The following E2F3 variants were observed in gnomAD, a reference collection of about 807,000 sequenced individuals.
The protein encoded by E2F3 is E2F transcription factor 3, also known as transcription factor E2F3.
Under a neutral mutation model 44.4 loss-of-function variants are expected in E2F3, and 11 were observed. The observed-to-expected ratio is 0.25, with a 90% confidence interval of 0.16 to 0.41. The LOEUF is 0.41. Among genes scored for constraint, E2F3 ranks in the 10% least tolerant of loss-of-function variants. The probability of loss-of-function intolerance (pLI) is 1.00; values close to 1 mark genes in which losing one functional copy is unlikely to be tolerated. For missense variants in E2F3, 487 were observed against 583.6 expected, an observed-to-expected ratio of 0.83 and a Z score of 1.70; for synonymous variants, 249 against 253.0, an observed-to-expected ratio of 0.98 and a Z score of 0.15.
chr6:20,420,983 A>G (rs1760007925), intron 1 of E2F3, among the ~76,000 whole-genome samples: 1 of 152,192 alleles, frequency 6.6e-6, no homozygotes, highest in African/African-American at 2.4e-5. Flanking sequence ...GCAATATCCC[A>G]AATCCTTTGT....
intron 1 of E2F3, among the ~76,000 whole-genome samples, chr6:20,412,470 G>C (rs1175673909): frequency 6.6e-6 from 1 of 152,130 alleles, no homozygotes; most frequent in Non-Finnish European, 1.5e-5. Flanking sequence ...GTCAAAGGCA[G>C]GCAGGCAGAA....
intron 4 of E2F3, among the ~76,000 whole-genome samples, chr6:20,486,314 C>G (rs985564476): frequency 6.6e-6 from 1 of 152,152 alleles, no homozygotes; most frequent in African/African-American, 2.4e-5. Context: ...GCTCTGTCGC[C>G]CAGGCTGGAG....
At chr6:20,478,989 C>G (rs1384941378) in intron 1 of E2F3, among the ~76,000 whole-genome samples, 1 of 152,074 alleles carries the variant, frequency 6.6e-6, no homozygotes, top group African/African-American at 2.4e-5. Context: ...ACTCGAAGCC[C>G]CTTATCTATC....
At chr6:20,470,468 G>T (rs1005248881) in intron 1 of E2F3, among the ~76,000 whole-genome samples, 1 of 152,146 alleles carries the variant, frequency 6.6e-6, no homozygotes, top group African/African-American at 2.4e-5. Flanking sequence ...AAATCCTCAT[G>T]CCCTGACCCA....
chr6:20,412,242 C>T (rs775008981), intron 1 of E2F3, among the ~76,000 whole-genome samples: 2 of 152,078 alleles, frequency 1.3e-5, no homozygotes, highest in African/African-American at 2.4e-5. Flanking sequence ...ATGGGGAGGC[C>T]ACGGTTGTCA....
At chr6:20,475,527 A>AT (rs1279000691) in intron 1 of E2F3, among the ~76,000 whole-genome samples, 2 of 151,912 alleles carry the variant, frequency 1.3e-5, no homozygotes, top group African/African-American at 4.8e-5. Flanking sequence ...CTTTATTTTC[A>AT]TTTTTTGAGA....
At chr6:20,488,663 C>T (rs4134975) in intron 6 of E2F3, among the ~76,000 whole-genome samples, 1 of 151,938 alleles carries the variant, frequency 6.6e-6, no homozygotes, top group Non-Finnish European at 1.5e-5. Context: ...ATTTTCCCCC[C>T]CAATGAGATG....
At position 20,491,139 on chromosome 6, in the gene E2F3, T is replaced by G. The variant is rs1209297186; in HGVS notation, c.*709T>G. On this transcript the variant is annotated 3_prime_UTR_variant, in exon 7 of 7. Coordinates refer to ENST00000346618, the MANE Select transcript of E2F3 (RefSeq NM_001949.5). Reference sequence around the variant, plus strand: ...CTAAGCTGTTGTGGATTTTCCTGTCTCCATGAACCACTCCCATTCCCCCGT... The same window carrying G: ...CTAAGCTGTTGTGGATTTTCCTGTCGCCATGAACCACTCCCATTCCCCCGT... 4.3e-6 allele frequency: 1 copy of G among 232,164 alleles called. No individual in the cohort carries two copies. Among genetic ancestry groups the G allele is most frequent in the Non-Finnish European group, 8.5e-6 (1 of 117,084 alleles). The allele number at this position is 232,164 out of a possible 1,614,324, so 14.4% of individuals were successfully genotyped here.
At chr6:20,445,483 C>A (rs1028367922) in intron 1 of E2F3, among the ~76,000 whole-genome samples, 1 of 152,216 alleles carries the variant, frequency 6.6e-6, no homozygotes, top group Admixed American at 6.5e-5. Context: ...CGTGAGCCAC[C>A]GTGCCCGGCC....
intron 1 of E2F3, among the ~76,000 whole-genome samples, chr6:20,406,973 G>T (rs1759515125): frequency 6.6e-6 from 1 of 152,160 alleles, no homozygotes; most frequent in South Asian, 2.1e-4. Flanking sequence ...TAGAAAATTT[G>T]GGATTTAATA....
intron 1 of E2F3, chr6:20,403,746 T>C: frequency 6.8e-7 from 1 of 1,466,844 alleles, no homozygotes; most frequent in South Asian, 1.3e-5. Context: ...GCCGCCGGTC[T>C]GTTCGGCCCT....
chr6:20,402,247 C>A lies in E2F3; in HGVS notation c.15C>A (p.Ile5=). MRKG[I]QPALEQYLVT... ...AGGAGCGAGAGATGAGAAAGGGAAT[C>A]CAGCCCGCTCTGGAGCAGTACCTGG... The change falls in exon 1 of 7, where the codon ATC becomes ATA. Residue 5 remains isoleucine, a synonymous_variant. Transcript: ENST00000346618. The surrounding 1 kb of genome is among the most constrained non-coding windows in gnomAD (Gnocchi z 5.6). 7 of 1,595,290 alleles carry A rather than the reference C, an allele frequency of 4.4e-6. No individual in the cohort carries two copies. The highest frequency in any genetic ancestry group is 6.0e-6 in the Non-Finnish European group (7 of 1,175,166).
At position 20,491,170 on chromosome 6, in the gene E2F3, A is replaced by G. The variant is rs940806296; in HGVS notation, c.*740A>G. 11 of 232,048 alleles carry G rather than the reference A, an allele frequency of 4.7e-5. No homozygotes were observed. Among genetic ancestry groups the G allele is most frequent in the Non-Finnish European group, 7.7e-5 (9 of 117,116 alleles). 14.4% of individuals were successfully genotyped at this position (232,048 alleles called of 1,614,324 possible). On this transcript the variant is annotated 3_prime_UTR_variant, in exon 7 of 7. Transcript: ENST00000346618. Reference sequence around the variant, plus strand: ...AACCACTCCCATTCCCCCGTCCCCAATGTGTTTGTGAGTTTCCAGTTGATT... The same window carrying G: ...AACCACTCCCATTCCCCCGTCCCCAGTGTGTTTGTGAGTTTCCAGTTGATT...
intron 1 of E2F3, among the ~76,000 whole-genome samples, chr6:20,428,148 GT>G (rs1021816638): frequency 6.6e-6 from 1 of 152,218 alleles, no homozygotes; most frequent in African/African-American, 2.4e-5. Context: ...GGACTTTGGA[GT>G]TTAAAATCTC....
In E2F3 at chr6:20,423,496, G is replaced by T. The variant is rs137974845; in HGVS notation, c.393+20871G>T. On this transcript the variant is annotated intron_variant, in intron 1 of 6. Transcript: ENST00000346618. ...TACAGTGCTTTTTTTTTGAGACCAA[G>T]TCTTGCTCTTGTCGCCCAGGTTGGA... Among the ~76,000 whole-genome samples the T allele has an allele frequency of 3.8e-3, 579 of 152,284 alleles. 2 individuals carry two copies. The highest frequency in any genetic ancestry group is 0.013 in the African/African-American group (559 of 41,552).
chr6:20,428,168 C>T (rs922001470), intron 1 of E2F3, among the ~76,000 whole-genome samples: 11 of 152,138 alleles, frequency 7.2e-5, no homozygotes, highest in African/African-American at 2.4e-4. Context: ...TCACCAGCTG[C>T]GGGAACTCAG....
Position 20,490,419 on chromosome 6 carries a change from A to T in E2F3, c.1387A>T (p.Met463Leu). The part of the protein sequence containing the change: ...LEKLPLVEDF[M>L]CS ...AAAGCTCCCACTGGTGGAAGACTTC[A>T]TGTGTAGTTGATTATGCTTCGTGTG... Residue 463 changes from methionine (M) to leucine (L), a missense_variant, in exon 7 of 7, where the codon ATG (methionine) becomes TTG (leucine). Physicochemically the swap from Met to Leu is conservative, Grantham distance 15 (BLOSUM62 2). This residue lies in a region of E2F3 where 220 missense variants were observed against 261.7 expected (regional missense o/e 0.84). Coordinates refer to ENST00000346618, the MANE Select transcript of E2F3 (RefSeq NM_001949.5). The surrounding 1 kb of genome is among the most constrained non-coding windows in gnomAD (Gnocchi z 4.3). 6.3e-7 allele frequency: 1 copy of T among 1,581,350 alleles called. No individual in the cohort carries two copies. The highest frequency in any genetic ancestry group is 1.2e-5 in the South Asian group (1 of 85,846).
chr6:20,489,478 A>G (rs1479348807), intron 6 of E2F3, among the ~76,000 whole-genome samples: 4 of 152,168 alleles, frequency 2.6e-5, no homozygotes, highest in African/African-American at 9.7e-5. Context: ...TCTCTTAAAA[A>G]AAAAAGTTCT....
At chr6:20,467,074 A>G (rs1761739633) in intron 1 of E2F3, among the ~76,000 whole-genome samples, 1 of 151,896 alleles carries the variant, frequency 6.6e-6, no homozygotes, top group Non-Finnish European at 1.5e-5. Flanking sequence ...ACCCTTCATC[A>G]TTCTCTTGTT....
Sources: allele counts gnomAD v4.1 joint callset (sites outside exome capture counted in the v4.1 genomes callset), GRCh38; gene constraint gnomAD v4.1.1; regional missense constraint gnomAD v4.1.1; non-coding constraint Gnocchi (gnomAD v3.1); transcripts MANE v1.5; gene names NCBI Gene and HGNC (gene_info 2026-07-23, HGNC 2026-07-21).